SASH1: variants seen among roughly 807,000 people sequenced by gnomAD.
SASH1 encodes SAM and SH3 domain containing 1.
Under a neutral mutation model 125.2 loss-of-function variants are expected in SASH1, and 44 were observed. The ratio of observed to expected loss-of-function variants is 0.35; its 90% CI spans 0.28 to 0.45. SASH1 has a LOEUF of 0.45. Ranked by LOEUF, SASH1 falls within the 20% of genes least tolerant of loss-of-function variation. The pLI, the probability that SASH1 is intolerant of heterozygous loss-of-function variation, is 1.00. For synonymous variants in SASH1, 639 were observed against 649.1 expected (o/e 0.98, Z 0.24); for missense variants, 1,426 against 1,614.5 (o/e 0.88, Z 2.00).
At chr6:148,425,179 C>T (rs1402999471) in intron 2 of SASH1, among the ~76,000 whole-genome samples, 2 of 152,136 alleles carry the variant, frequency 1.3e-5, no homozygotes, top group Middle Eastern at 3.2e-3. Context: ...AGCTCTGGAC[C>T]AGCACGGCCA....
upstream of SASH1, among the ~76,000 whole-genome samples, chr6:148,271,122 C>T (rs1325647971): frequency 6.6e-6 from 1 of 152,052 alleles, no homozygotes; most frequent in South Asian, 2.1e-4. Context: ...GTTGGTCAGG[C>T]TGGTCTCGAA....
At chr6:148,298,667 G>GAGGAAGGAAGGAAGGA (rs71031057) in intron 1 of SASH1, among the ~76,000 whole-genome samples, 28 of 55,712 alleles carry the variant, frequency 5.0e-4, no homozygotes, top group East Asian at 1.6e-3. Flanking sequence ...GGGAGGGAGG[G>GAGGAAGGAAGGAAGGA]AGGAAGGAAG....
At chr6:148,508,365 C>A in intron 8 of SASH1, 1 of 503,102 alleles carries the variant, frequency 2.0e-6, no homozygotes, top group Non-Finnish European at 2.6e-6. Flanking sequence ...TAAGTTCAGT[C>A]ACTTTTAAGG....
intron 1 of SASH1, among the ~76,000 whole-genome samples, chr6:148,305,378 C>CG (rs77219147): frequency 6.6e-6 from 1 of 152,212 alleles, no homozygotes; most frequent in South Asian, 2.1e-4. Context: ...GAAACCGAGG[C>CG]GGGGGGATCA....
chr6:148,360,690 A>G (rs1250091565), intron 1 of SASH1, among the ~76,000 whole-genome samples: 6 of 150,084 alleles, frequency 4.0e-5, no homozygotes, highest in African/African-American at 1.5e-4. Flanking sequence ...GGGCAGAAAG[A>G]ATGGATGACC....
the SASH1 span, among the ~76,000 whole-genome samples, chr6:148,222,572 C>T: frequency 6.6e-6 from 1 of 152,150 alleles, no homozygotes; most frequent in African/African-American, 2.4e-5. Context: ...AGATTTGCAA[C>T]TTGTTTGTCA....
intron 1 of SASH1, among the ~76,000 whole-genome samples, chr6:148,384,236 A>G (rs1783268825): frequency 1.3e-5 from 2 of 152,226 alleles, no homozygotes; most frequent in Admixed American, 1.3e-4. Context: ...TTTTGAGGAA[A>G]TAACGTTTTC....
chr6:148,416,320 T>G (rs1583119020), intron 2 of SASH1, among the ~76,000 whole-genome samples: 1 of 152,304 alleles, frequency 6.6e-6, no homozygotes, highest in East Asian at 1.9e-4. Context: ...TCTTTTCTTT[T>G]TTTCCTAAAG....
chr6:148,523,145 A>C (rs1780916199), intron 10 of SASH1, among the ~76,000 whole-genome samples: 1 of 152,230 alleles, frequency 6.6e-6, no homozygotes. Flanking sequence ...CACTTATTTC[A>C]TATGTATCAG....
chr6:148,537,354 G>C (rs528856771), intron 16 of SASH1, among the ~76,000 whole-genome samples: 4 of 152,114 alleles, frequency 2.6e-5, no homozygotes, highest in Non-Finnish European at 4.4e-5. Context: ...TATTCCTTAC[G>C]CCAAGCCCAG....
intron 4 of SASH1, among the ~76,000 whole-genome samples, chr6:148,467,088 C>CTTTTTTTTTTTTTTTTTTTTTTTTT (rs71004298): frequency 1.4e-5 from 1 of 69,938 alleles, no homozygotes; most frequent in Non-Finnish European, 2.4e-5. Context: ...TTCCCTGTTC[C>CTTTTTTTTTTTTTTTTTTTTTTTTT]TTTTTTTTTT....
the SASH1 span, among the ~76,000 whole-genome samples, chr6:148,194,861 G>C: frequency 1.3e-5 from 2 of 152,290 alleles, no homozygotes; most frequent in Admixed American, 6.5e-5. Flanking sequence ...AGCCGAGATC[G>C]CGCCACTGCA....
intron 8 of SASH1, chr6:148,513,555 T>TGCA (rs1780271416): frequency 3.0e-6 from 3 of 985,456 alleles, no homozygotes; most frequent in Non-Finnish European, 3.6e-6. Context: ...AGAGAGATAT[T>TGCA]TTTCCCTCTC....
At chr6:148,436,599 C>G (rs940269707) in intron 2 of SASH1, among the ~76,000 whole-genome samples, 8 of 152,224 alleles carry the variant, frequency 5.3e-5, no homozygotes, top group Non-Finnish European at 8.8e-5. Flanking sequence ...ACTCTTGCAA[C>G]CCAGCATCCT....
chr6:148,391,288 T>C (rs575234295), intron 2 of SASH1, among the ~76,000 whole-genome samples: 2 of 152,246 alleles, frequency 1.3e-5, no homozygotes, highest in East Asian at 3.9e-4. Flanking sequence ...TTTGTATTTT[T>C]AGTAGAGACG....
intron 4 of SASH1, among the ~76,000 whole-genome samples, chr6:148,442,391 T>G (rs1776582122): frequency 6.6e-6 from 1 of 152,060 alleles, no homozygotes; most frequent in Non-Finnish European, 1.5e-5. Flanking sequence ...AGACCCCATC[T>G]CAAAAGAAAA....
the SASH1 span, among the ~76,000 whole-genome samples, chr6:148,193,510 C>A: frequency 7.2e-5 from 11 of 152,262 alleles, no homozygotes; most frequent in African/African-American, 1.9e-4. Context: ...GTTTGCTTCC[C>A]TGTGCTCAGT....
intron 6 of SASH1, among the ~76,000 whole-genome samples, chr6:148,471,713 A>G (rs913506419): frequency 1.3e-5 from 2 of 152,170 alleles, no homozygotes; most frequent in African/African-American, 2.4e-5. Flanking sequence ...AAAAGGGGAC[A>G]AGTTCACAGT....
chr6:148,245,845 C>T, the SASH1 span, among the ~76,000 whole-genome samples: 17 of 151,774 alleles, frequency 1.1e-4, no homozygotes, highest in Non-Finnish European at 1.8e-4. Flanking sequence ...AAAAATTAGC[C>T]GGGCATGGTG....
Sources: allele counts gnomAD v4.1 joint callset (sites outside exome capture counted in the v4.1 genomes callset), GRCh38; gene constraint gnomAD v4.1.1; transcripts MANE v1.5; gene names NCBI Gene and HGNC (gene_info 2026-07-23, HGNC 2026-07-21).